The following TNKS2 variants were observed in gnomAD, a reference collection of about 807,000 sequenced individuals.
The protein encoded by TNKS2 is poly [ADP-ribose] polymerase tankyrase-2.
In TNKS2, 72 loss-of-function variants were observed where a neutral mutation model predicts 137.6. The observed-to-expected ratio is 0.52, with a 90% CI of 0.43 to 0.64. TNKS2 has a LOEUF of 0.64. Among genes scored for constraint, TNKS2 ranks in the 30% least tolerant of loss-of-function variants. The pLI is 0.00. For missense variants in TNKS2, 1,049 were observed against 1,410.2 expected (o/e 0.74, Z 4.10); for synonymous variants, 516 against 512.1 (o/e 1.01, Z -0.10).
intron 1 of TNKS2, among the ~76,000 whole-genome samples, chr10:91,802,158 C>T (rs1844191858): frequency 6.6e-6 from 1 of 152,170 alleles, no homozygotes; most frequent in Non-Finnish European, 1.5e-5. Context: ...GAACCACATA[C>T]ATAGGACCAG....
At chr10:91,844,524 C>T (rs944827692) in intron 16 of TNKS2, among the ~76,000 whole-genome samples, 2 of 152,136 alleles carry the variant, frequency 1.3e-5, no homozygotes, top group Admixed American at 6.6e-5. Context: ...CTTTGACTTG[C>T]AGCCTCTGAG....
Position 91,819,942 on chromosome 10 carries a change from A to G in TNKS2, c.637A>G (p.Thr213Ala). The change falls in exon 6 of 27, where the codon ACT (threonine) becomes GCT (alanine). Residue 213 changes from threonine (T) to alanine (A), a missense_variant. This residue lies in a region of TNKS2 where 374 missense variants were observed against 460.8 expected (regional missense o/e 0.81). Transcript: ENST00000371627. The stretch of plus-strand genomic sequence containing the variant: ...ATATATTTGATTAATATTTCAGTCA[A>G]CTCCATTACATTTGGCAGCAGGATA... ...NCHASDGRKS[T>A]PLHLAAGYNR... 1 of 1,558,524 alleles carries G rather than the reference A, an allele frequency of 6.4e-7. No individual in the cohort carries two copies. Among genetic ancestry groups the G allele is most frequent in the Non-Finnish European group, 8.7e-7 (1 of 1,153,826 alleles).
chr10:91,822,394 C>G, intron 7 of TNKS2, 32 bp downstream of exon 7: 1 of 1,532,818 alleles, frequency 6.5e-7, no homozygotes, highest in East Asian at 2.3e-5. Context: ...TAATTACTTT[C>G]TAGAGTTATA....
At position 91,798,451 on chromosome 10, in the gene TNKS2, G is replaced by C. The variant is rs1844032912; in HGVS notation, c.-240G>C. On this transcript the variant is annotated 5_prime_UTR_variant, in exon 1 of 27. Transcript: ENST00000371627. ...AGCTTCCGCCGCCGCGTCGTTTCAG[G>C]ACCCGGACGGCGGATTCGCGCTGCC... 2 of 315,616 alleles carry C rather than the reference G, an allele frequency of 6.3e-6. No homozygotes were observed. The highest frequency in any genetic ancestry group is 5.2e-5 in the Admixed American group (1 of 19,414). The allele number at this position is 315,616 out of a possible 1,614,324, so 19.6% of individuals were successfully genotyped here. A position where few individuals can be genotyped will look rare whatever the true frequency, so the allele number is the denominator to read the frequency against.
At chr10:91,821,722 C>G (rs1844898047) in intron 6 of TNKS2, among the ~76,000 whole-genome samples, 1 of 152,056 alleles carries the variant, frequency 6.6e-6, no homozygotes, top group African/African-American at 2.4e-5. Context: ...AGTATTTGAG[C>G]TAAGTCTGGA....
intron 1 of TNKS2, among the ~76,000 whole-genome samples, chr10:91,803,371 C>T (rs557857959): frequency 2.0e-5 from 3 of 151,528 alleles, no homozygotes; most frequent in East Asian, 3.9e-4. Context: ...AAAAATGAGC[C>T]GGGCATGGTG....
intron 19 of TNKS2, 94 bp from the exon 20 acceptor site, chr10:91,849,418 T>C (rs1365624300): frequency 6.7e-6 from 6 of 899,562 alleles, no homozygotes; most frequent in East Asian, 5.4e-5. Context: ...ATTTTCTTCA[T>C]ATATAGTAAC....
chr10:91,829,127 G>A (rs1025617953), intron 9 of TNKS2, among the ~76,000 whole-genome samples: 3 of 152,172 alleles, frequency 2.0e-5, no homozygotes, highest in African/African-American at 7.2e-5. Context: ...GTTAATGTGT[G>A]TAGAAGCAGA....
chr10:91,860,533 G>A (rs1236455573), intron 25 of TNKS2, among the ~76,000 whole-genome samples: 7 of 152,108 alleles, frequency 4.6e-5, no homozygotes, highest in Admixed American at 4.6e-4. Context: ...CCCTAGAGCA[G>A]TACTTTGCAC....
At chr10:91,820,077 C>A in intron 6 of TNKS2, 44 bp downstream of exon 6, 1 of 1,211,420 alleles carries the variant, frequency 8.3e-7, no homozygotes, top group Non-Finnish European at 1.2e-6. Context: ...ATGTTACCCT[C>A]TTCTTAAAAC....
intron 1 of TNKS2, among the ~76,000 whole-genome samples, chr10:91,805,041 G>C (rs149449180): frequency 7.2e-5 from 11 of 152,140 alleles, no homozygotes; most frequent in African/African-American, 2.4e-4. Flanking sequence ...TGGGATTACA[G>C]GTGTGAGCCA....
At chr10:91,836,226 A>G (rs558237336) in intron 12 of TNKS2, among the ~76,000 whole-genome samples, 13 of 151,316 alleles carry the variant, frequency 8.6e-5, no homozygotes, top group African/African-American at 2.9e-4. Context: ...CCAAATGCCA[A>G]TTTTCTTTTT....
chr10:91,847,138 T>C (rs901420893), intron 18 of TNKS2, among the ~76,000 whole-genome samples: 3 of 152,126 alleles, frequency 2.0e-5, no homozygotes, highest in Non-Finnish European at 4.4e-5. Context: ...TATAAACAAA[T>C]GTCATTTACA....
chr10:91,806,772 C>G (rs532276506), intron 1 of TNKS2, among the ~76,000 whole-genome samples: 1 of 152,276 alleles, frequency 6.6e-6, no homozygotes, highest in East Asian at 1.9e-4. Context: ...ACATTTTATG[C>G]TCCAAAATAC....
chr10:91,861,610 G>A (rs1339476091), intron 25 of TNKS2, among the ~76,000 whole-genome samples: 1 of 152,134 alleles, frequency 6.6e-6, no homozygotes, highest in Non-Finnish European at 1.5e-5. Flanking sequence ...AATATATTTT[G>A]AAGGTAAAAT....
At chr10:91,831,399 C>A (rs185979619) in intron 11 of TNKS2, among the ~76,000 whole-genome samples, 10 of 152,230 alleles carry the variant, frequency 6.6e-5, no homozygotes, top group Admixed American at 2.6e-4. Flanking sequence ...TGTATGTCCT[C>A]CCTCCTCCAT....
In TNKS2 at chr10:91,844,949, A is replaced by T; in HGVS notation, c.2090A>T (p.Tyr697Phe). The change falls in exon 17 of 27, where the codon TAT becomes TTT. Residue 697 changes from tyrosine to phenylalanine, a missense_variant. Tyr to Phe is a conservative substitution (Grantham distance 22). Coordinates refer to ENST00000371627, the MANE Select transcript of TNKS2 (RefSeq NM_025235.4). ...TATAATAATTTAGAAGTTGCAGAGT[A>T]TTTGTTACAACACGGAGCTGATGTG... ...AGYNNLEVAE[Y>F]LLQHGADVNA... 6.2e-7 allele frequency: 1 copy of T among 1,612,644 alleles called. No homozygotes were observed. The highest frequency in any genetic ancestry group is 8.5e-7 in the Non-Finnish European group (1 of 1,179,214).
intron 15 of TNKS2, 96 bp downstream of exon 15, chr10:91,841,544 A>G (rs1842211324): frequency 2.3e-5 from 20 of 857,072 alleles, no homozygotes; most frequent in Non-Finnish European, 2.7e-5. Flanking sequence ...CTAGTAAGCA[A>G]TGGGAAGCAA....
intron 1 of TNKS2, among the ~76,000 whole-genome samples, chr10:91,809,313 A>G (rs138671115): frequency 8.4e-4 from 128 of 152,340 alleles, no homozygotes; most frequent in African/African-American, 2.3e-3. Context: ...AGTATTACCT[A>G]TGGTGTTCAC....
Sources: allele counts gnomAD v4.1 joint callset (sites outside exome capture counted in the v4.1 genomes callset), GRCh38; gene constraint gnomAD v4.1.1; regional missense constraint gnomAD v4.1.1; transcripts MANE v1.5; gene names NCBI Gene and HGNC (gene_info 2026-07-23, HGNC 2026-07-21).